SESN2: variants seen among roughly 807,000 people sequenced by gnomAD.
SESN2 encodes the protein sestrin 2.
SESN2 carries 42 observed loss-of-function variants against 56.0 expected under a neutral mutation model. The observed-to-expected ratio is 0.75, with a 90% confidence interval of 0.59 to 0.97. The LOEUF is 0.97. SESN2 is among the 50% of genes least tolerant of loss of function. The probability of loss-of-function intolerance (pLI) is 0.00; values close to 1 mark genes in which losing one functional copy is unlikely to be tolerated. For synonymous variants in SESN2, 264 were observed against 267.1 expected, an observed-to-expected ratio of 0.99 and a Z score of 0.11; for missense variants, 507 against 649.4, an observed-to-expected ratio of 0.78 and a Z score of 2.38.
At chr1:28,280,020 T>G (rs1244422436) in intron 9 of SESN2, among the ~76,000 whole-genome samples, 2 of 152,012 alleles carry the variant, frequency 1.3e-5, no homozygotes, top group Admixed American at 1.3e-4. Flanking sequence ...AAATTCCTAG[T>G]AGAGATAAGG....
At chr1:28,271,247 G>A (rs929261579) in intron 2 of SESN2, among the ~76,000 whole-genome samples, 7 of 152,142 alleles carry the variant, frequency 4.6e-5, no homozygotes, top group Admixed American at 2.0e-4. Context: ...CAGCACTCAG[G>A]AAATGTGAAC....
At position 28,280,823 on chromosome 1, in the gene SESN2, C is replaced by T; in HGVS notation, c.*21C>T. 1 of 1,589,396 alleles carries T rather than the reference C, an allele frequency of 6.3e-7. No individual in the cohort carries two copies. Among genetic ancestry groups the T allele is most frequent in the East Asian group, 2.2e-5 (1 of 44,758 alleles). On this transcript the variant is annotated 3_prime_UTR_variant, in exon 10 of 10. Transcript: ENST00000253063. ...CCTGACTCCTGAGCAGGACCTGGGC[C>T]CGGTTCAGCTCCCCACAAGGACTTC... is the stretch of plus-strand genomic sequence containing the variant.
At chr1:28,270,644 T>C (rs1244809551) in intron 2 of SESN2, among the ~76,000 whole-genome samples, 2 of 152,020 alleles carry the variant, frequency 1.3e-5, no homozygotes, top group African/African-American at 4.8e-5. Context: ...CGATCTTGGC[T>C]CACCGCAACC....
chr1:28,262,530 G>A (rs1647410468), intron 1 of SESN2, among the ~76,000 whole-genome samples: 1 of 147,336 alleles, frequency 6.8e-6, no homozygotes, highest in Non-Finnish European at 1.5e-5. Flanking sequence ...GCTGAGGTGG[G>A]AGGATTGCTT....
chr1:28,271,825 C>T lies in SESN2; in HGVS notation c.308C>T (p.Thr103Met), dbSNP rs769442139. The change falls in exon 3 of 10, where the codon ACG becomes ATG. Residue 103 changes from threonine to methionine, a missense_variant. Coordinates refer to ENST00000253063, the MANE Select transcript of SESN2 (RefSeq NM_031459.5). ...FWRLHYLLLHTDGPLASSWRH... is the reference protein window; with the variant it reads ...FWRLHYLLLHMDGPLASSWRH... ...CGCCTGCACTACCTGCTGCTGCACA[C>T]GGATGGTCCCTTGGCCAGCTCCTGG... is the stretch of plus-strand genomic sequence containing the variant. The T allele has an allele frequency of 6.2e-6, 10 of 1,614,044 alleles. No individual in the cohort carries two copies. Among genetic ancestry groups the T allele is most frequent in the African/African-American group, 2.7e-5 (2 of 74,932 alleles).
chr1:28,269,116 C>G (rs1377147278), intron 1 of SESN2, 67 bp from the exon 2 acceptor site: 10 of 1,168,696 alleles, frequency 8.6e-6, no homozygotes, highest in Non-Finnish European at 1.3e-5. Flanking sequence ...GAGGAAGAGG[C>G]TGGATAGGTA....
In SESN2 at chr1:28,280,981, A is replaced by G; in HGVS notation, c.*179A>G. On this transcript the variant is annotated 3_prime_UTR_variant, in exon 10 of 10. Transcript: ENST00000253063. ...CTCACTGGAATGGACAGTTCATTGCACTGACTCTGGGATCTCAGCCCTGCT... is the reference window on the plus strand; with the variant it reads ...CTCACTGGAATGGACAGTTCATTGCGCTGACTCTGGGATCTCAGCCCTGCT... 1.7e-6 allele frequency: 1 copy of G among 572,712 alleles called. No individual in the cohort carries two copies. The highest frequency in any genetic ancestry group is 2.9e-5 in the East Asian group (1 of 34,172). 35.5% of individuals were successfully genotyped at this position (572,712 alleles called of 1,614,324 possible).
chr1:28,279,832 G>A (rs188692992), intron 9 of SESN2, among the ~76,000 whole-genome samples: 15 of 151,216 alleles, frequency 9.9e-5, no homozygotes, highest in Admixed American at 4.6e-4. Context: ...GTGAGTCATC[G>A]TGCCTGGCCT....
chr1:28,259,960 C>T (rs1647310832), intron 1 of SESN2, 23 bp downstream of exon 1: 8 of 1,486,678 alleles, frequency 5.4e-6, no homozygotes, highest in South Asian at 4.9e-5. Flanking sequence ...CGCGCGACGC[C>T]CCTCTTCCCT....
At position 28,272,658 on chromosome 1, in the gene SESN2, C is replaced by G. The variant is rs1197181936; in HGVS notation, c.615C>G (p.His205Gln). 5.0e-6 allele frequency: 8 copies of G among 1,614,174 alleles called. No individual in the cohort carries two copies. The highest frequency in any genetic ancestry group is 5.9e-6 in the Non-Finnish European group (7 of 1,180,022). The change falls in exon 5 of 10, where the codon CAC becomes CAG. Residue 205 changes from histidine (H) to glutamine (Q), a missense_variant. By Grantham distance (24) the His-to-Gln change is conservative (BLOSUM62 0). Coordinates refer to ENST00000253063, the MANE Select transcript of SESN2 (RefSeq NM_031459.5). ...IQALVLLTHCHSLSSFVFGCG... is the reference protein window; with the variant it reads ...IQALVLLTHCQSLSSFVFGCG... ...CTCTGGTCCTGCTCACCCACTGCCA[C>G]TCGCTCTCCTCCTTCGTGTTTGGCT...
At chr1:28,275,320 A>G (rs1361826156) in intron 8 of SESN2, among the ~76,000 whole-genome samples, 1 of 151,180 alleles carries the variant, frequency 6.6e-6, no homozygotes, top group Non-Finnish European at 1.5e-5. Context: ...CACACACACT[A>G]TATATATATG....
At chr1:28,260,143 C>T (rs1439144710) in intron 1 of SESN2, among the ~76,000 whole-genome samples, 2 of 146,138 alleles carry the variant, frequency 1.4e-5, no homozygotes, top group Admixed American at 6.7e-5. Flanking sequence ...TTCTCCCCCT[C>T]CCTCTCCCCC....
chr1:28,262,621 C>CAAAAAAAAAAAA (rs71027268), intron 1 of SESN2, among the ~76,000 whole-genome samples: 1 of 52,486 alleles, frequency 1.9e-5, no homozygotes, highest in African/African-American at 9.4e-5. Context: ...GAGTCTGTCT[C>CAAAAAAAAAAAA]AAAAAAAAAA....
chr1:28,260,557 C>G (rs553906698), intron 1 of SESN2, among the ~76,000 whole-genome samples: 5 of 151,872 alleles, frequency 3.3e-5, no homozygotes, highest in South Asian at 2.1e-4. Flanking sequence ...CGGCGGCAGC[C>G]AAAGCTGGGG....
chr1:28,265,519 G>T (rs532146847), intron 1 of SESN2, among the ~76,000 whole-genome samples: 2 of 151,984 alleles, frequency 1.3e-5, no homozygotes, highest in Non-Finnish European at 2.9e-5. Flanking sequence ...TCAGCCCCCC[G>T]AGTAGCTGGG....
intron 2 of SESN2, among the ~76,000 whole-genome samples, chr1:28,270,023 T>G (rs1013294359): frequency 5.3e-5 from 8 of 152,208 alleles, no homozygotes; most frequent in Non-Finnish European, 1.0e-4. Context: ...AAAACTAGTT[T>G]CCTCATTTTA....
At chr1:28,273,981 G>A in intron 6 of SESN2, 59 bp from the exon 7 acceptor site, 2 of 1,126,992 alleles carry the variant, frequency 1.8e-6, no homozygotes, top group Non-Finnish European at 2.7e-6. Context: ...GATTAATCAG[G>A]AATGGACCCC....
chr1:28,277,653 AT>A (rs1156519878), intron 8 of SESN2, among the ~76,000 whole-genome samples: 2 of 152,018 alleles, frequency 1.3e-5, no homozygotes, highest in African/African-American at 4.8e-5. Context: ...TGAACCCATG[AT>A]TTTTTTTCCT....
intron 1 of SESN2, among the ~76,000 whole-genome samples, chr1:28,266,297 T>G (rs999461556): frequency 6.6e-6 from 1 of 152,220 alleles, no homozygotes; most frequent in Non-Finnish European, 1.5e-5. Flanking sequence ...AGGATTCTAA[T>G]GTACCGCTTG....
Sources: gnomAD v4.1 joint callset for allele counts (sites outside exome capture counted in the v4.1 genomes callset) on GRCh38, gnomAD v4.1.1 for gene constraint, MANE v1.5 for transcripts, NCBI Gene and HGNC (gene_info 2026-07-23, HGNC 2026-07-21) for gene names.